The following CDH13 variants were observed in gnomAD, a reference collection of about 807,000 sequenced individuals.
CDH13 encodes cadherin 13.
Under a neutral mutation model 63.8 loss-of-function variants are expected in CDH13, and 24 were observed. That is an observed-to-expected ratio of 0.38 (90% CI 0.27 to 0.53). The LOEUF (loss-of-function observed/expected upper bound fraction) is 0.53, where lower values mean the gene tolerates loss of function less well. Ranked by LOEUF, CDH13 falls within the 20% of genes least tolerant of loss-of-function variation. The pLI is 0.85. For synonymous variants in CDH13, 503 were observed against 355.3 expected (o/e 1.42, Z -4.67); for missense variants, 1,049 against 903.1 (o/e 1.16, Z -2.07).
intron 5 of CDH13, among the ~76,000 whole-genome samples, chr16:83,257,500 A>G (rs1906440806): frequency 6.6e-6 from 1 of 152,152 alleles, no homozygotes; most frequent in African/African-American, 2.4e-5. Context: ...TGATGTAGAA[A>G]GTTTACAAAA....
intron 2 of CDH13, among the ~76,000 whole-genome samples, chr16:82,879,890 G>C (rs1433569503): frequency 2.1e-5 from 3 of 141,222 alleles, no homozygotes; most frequent in Non-Finnish European, 3.0e-5. Context: ...GTTATATTTA[G>C]CTATAGAAAT....
At chr16:83,187,302 T>A (rs1049920957) in intron 4 of CDH13, among the ~76,000 whole-genome samples, 1 of 152,114 alleles carries the variant, frequency 6.6e-6, no homozygotes, top group Non-Finnish European at 1.5e-5. Context: ...CTTACAACAG[T>A]CACTCAAAGG....
intron 5 of CDH13, among the ~76,000 whole-genome samples, chr16:83,335,054 G>A (rs2090564654): frequency 6.6e-6 from 1 of 152,076 alleles, no homozygotes; most frequent in Admixed American, 6.6e-5. Context: ...TATCCATGGT[G>A]GAAAATATCA....
chr16:82,995,434 T>C (rs955474376), intron 2 of CDH13, among the ~76,000 whole-genome samples: 1 of 152,186 alleles, frequency 6.6e-6, no homozygotes, highest in African/African-American at 2.4e-5. Flanking sequence ...TTCCTGTTTT[T>C]CCCTTCTTCA....
chr16:82,639,888 G>C (rs1407291534), intron 1 of CDH13, among the ~76,000 whole-genome samples: 7 of 152,040 alleles, frequency 4.6e-5, no homozygotes, highest in East Asian at 1.9e-4. Flanking sequence ...CCTCACCACT[G>C]TGTGCACCGT....
intron 1 of CDH13, among the ~76,000 whole-genome samples, chr16:82,796,590 T>C (rs139274362): frequency 1.7e-4 from 26 of 152,324 alleles, no homozygotes; most frequent in African/African-American, 5.8e-4. Flanking sequence ...GACCTTCAGA[T>C]CCATTCATGA....
intron 1 of CDH13, among the ~76,000 whole-genome samples, chr16:82,837,457 C>G (rs2151125188): frequency 6.6e-6 from 1 of 152,174 alleles, no homozygotes; most frequent in South Asian, 2.1e-4. Flanking sequence ...TCCTAGAGTC[C>G]CCAAGGCCAC....
In CDH13 at chr16:83,454,882, T is replaced by C. The variant is rs113736301; in HGVS notation, c.782-31595T>C. On this transcript the variant is annotated intron_variant, in intron 6 of 13. Coordinates refer to ENST00000567109, the MANE Select transcript of CDH13 (RefSeq NM_001257.5). ...CCACCACACCTGGCTAAGTTTTGTA[T>C]TTTTTTAGTAGAGAATGGGGTTTCA... 4.1e-3 allele frequency among the ~76,000 whole-genome samples: 621 copies of C among 152,080 alleles called. 5 individuals are homozygous for C. The highest frequency in any genetic ancestry group is 0.014 in the African/African-American group (583 of 41,510).
chr16:83,368,565 G>T (rs532661319), intron 6 of CDH13, among the ~76,000 whole-genome samples: 15 of 151,422 alleles, frequency 9.9e-5, no homozygotes, highest in African/African-American at 3.6e-4. Flanking sequence ...GGTGGTGTTT[G>T]GTTACATGAG....
Position 83,146,699 on chromosome 16 carries a change from A to G in CDH13, c.483+21198A>G, listed in dbSNP as rs146323245. 8.5e-5 allele frequency among the ~76,000 whole-genome samples: 13 copies of G among 152,374 alleles called. No homozygotes were observed. The East Asian group carries it at 2.5e-3, about 29-fold the overall frequency. On this transcript the variant is annotated intron_variant, in intron 4 of 13. Transcript: ENST00000567109. ...AAGTAAGATTTAGTTGCAAATACCA[A>G]TAATTCAAGCACAATTGGAGTTTGG...
rs75603956 is a variant in CDH13, at chr16:83,381,227, C to T, written c.781+36221C>T. 8.4e-3 allele frequency among the ~76,000 whole-genome samples: 1,281 copies of T among 151,954 alleles called. 15 individuals carry two copies. Among genetic ancestry groups the T allele is most frequent in the East Asian group, 0.052 (269 of 5,156 alleles). Reference sequence around the variant, plus strand: ...TTTCTAATTTCTAAAGTTGATGTTCCCTCCTTGCCATCTGGAGTGAGCACA... The same window carrying T: ...TTTCTAATTTCTAAAGTTGATGTTCTCTCCTTGCCATCTGGAGTGAGCACA... On this transcript the variant is annotated intron_variant, in intron 6 of 13. Transcript: ENST00000567109.
intron 2 of CDH13, among the ~76,000 whole-genome samples, chr16:82,931,513 CTTT>C (rs11442675): frequency 6.9e-6 from 1 of 144,348 alleles, no homozygotes; most frequent in Admixed American, 6.9e-5. Flanking sequence ...AGGTCCCCCC[CTTT>C]TTTTTTTTTT....
chr16:82,799,517 G>T lies in CDH13; in HGVS notation c.46-58845G>T, dbSNP rs547054922. Among the ~76,000 whole-genome samples the T allele has an allele frequency of 2.0e-5, 3 of 152,318 alleles. No homozygotes were observed. The East Asian group carries it at 5.8e-4, about 29-fold the overall frequency. On this transcript the variant is annotated intron_variant, in intron 1 of 13. Coordinates refer to ENST00000567109, the MANE Select transcript of CDH13 (RefSeq NM_001257.5). Reference sequence around the variant, plus strand: ...AGATACCATCAGGGTAAACACATCAGTTTAGTCTTTTTTGCAACATTGCTA... The same window carrying T: ...AGATACCATCAGGGTAAACACATCATTTTAGTCTTTTTTGCAACATTGCTA...
At chr16:83,141,600 A>G (rs547106290) in intron 4 of CDH13, among the ~76,000 whole-genome samples, 2 of 152,220 alleles carry the variant, frequency 1.3e-5, no homozygotes, top group East Asian at 1.9e-4. Context: ...TGCTGCACCT[A>G]TCAACCCATC....
At chr16:82,955,773 C>T (rs887365294) in intron 2 of CDH13, among the ~76,000 whole-genome samples, 29 of 152,228 alleles carry the variant, frequency 1.9e-4, no homozygotes, top group African/African-American at 5.1e-4. Flanking sequence ...TACTGCATTC[C>T]GATTATTCAC....
chr16:83,686,996 G>A (rs1904367111), intron 10 of CDH13, among the ~76,000 whole-genome samples: 1 of 152,132 alleles, frequency 6.6e-6, no homozygotes, highest in Admixed American at 6.6e-5. Context: ...GATCATTTGA[G>A]GTTAGGAATT....
At chr16:82,831,656 C>T (rs977841644) in intron 1 of CDH13, among the ~76,000 whole-genome samples, 7 of 152,214 alleles carry the variant, frequency 4.6e-5, no homozygotes, top group African/African-American at 1.4e-4. Flanking sequence ...GGTCATTTCA[C>T]TTATGAGACA....
At chr16:83,635,032 T>C (rs1911129443) in intron 8 of CDH13, among the ~76,000 whole-genome samples, 1 of 152,196 alleles carries the variant, frequency 6.6e-6, no homozygotes, top group Admixed American at 6.5e-5. Flanking sequence ...TTCATCCTTA[T>C]CAGCAATAGA....
intron 7 of CDH13, among the ~76,000 whole-genome samples, chr16:83,593,361 T>G (rs1455994334): frequency 6.6e-6 from 1 of 152,200 alleles, no homozygotes; most frequent in African/African-American, 2.4e-5. Context: ...AGCATGTGTG[T>G]GCTGGAGCCC....
Sources: gnomAD v4.1 joint callset for allele counts (sites outside exome capture counted in the v4.1 genomes callset) on GRCh38, gnomAD v4.1.1 for gene constraint, MANE v1.5 for transcripts, NCBI Gene and HGNC (gene_info 2026-07-23, HGNC 2026-07-21) for gene names.